FILIP1L: variants seen among roughly 807,000 people sequenced by gnomAD.
FILIP1L encodes filamin A-interacting protein 1-like.
In FILIP1L, 55 loss-of-function variants were observed where a neutral mutation model predicts 96.6. That is an observed-to-expected ratio of 0.57 (90% confidence interval 0.46 to 0.71). The LOEUF (loss-of-function observed/expected upper bound fraction) is 0.71, where lower values mean the gene tolerates loss of function less well. FILIP1L is among the 30% of genes least tolerant of loss of function. The pLI is 0.00. For missense variants in FILIP1L, 1,304 were observed against 1,321.2 expected (o/e 0.99, Z 0.20); for synonymous variants, 467 against 473.9 (o/e 0.99, Z 0.19).
chr3:99,843,657 G>A (rs1176561811), intron 5 of FILIP1L, among the ~76,000 whole-genome samples: 1 of 152,134 alleles, frequency 6.6e-6, no homozygotes, highest in Non-Finnish European at 1.5e-5. Flanking sequence ...CCTTAAACAT[G>A]CTCAGAGAAC....
At chr3:100,072,448 A>G (rs1326140561) in intron 1 of FILIP1L, among the ~76,000 whole-genome samples, 2 of 152,160 alleles carry the variant, frequency 1.3e-5, no homozygotes, top group Non-Finnish European at 2.9e-5. Context: ...CCCTTTCTAG[A>G]TGGCCCTTAA....
At chr3:99,888,764 C>T (rs747501569) in intron 4 of FILIP1L, among the ~76,000 whole-genome samples, 3 of 152,138 alleles carry the variant, frequency 2.0e-5, no homozygotes, top group Non-Finnish European at 4.4e-5. Flanking sequence ...AATTCTATAA[C>T]CATCTTTGTT....
intron 1 of FILIP1L, among the ~76,000 whole-genome samples, chr3:100,087,228 G>A (rs754968304): frequency 1.3e-5 from 2 of 152,166 alleles, no homozygotes; most frequent in Non-Finnish European, 2.9e-5. Flanking sequence ...GGAATTACTG[G>A]GCTTTGTTGT....
intron 4 of FILIP1L, among the ~76,000 whole-genome samples, chr3:99,852,439 ATTTAT>A (rs944710834): frequency 2.0e-5 from 3 of 151,320 alleles, no homozygotes; most frequent in Non-Finnish European, 4.4e-5. Flanking sequence ...AGAACTTTTT[ATTTAT>A]TTTATTTTAT....
intron 5 of FILIP1L, among the ~76,000 whole-genome samples, chr3:99,832,431 T>A (rs867877301): frequency 2.0e-5 from 3 of 148,920 alleles, no homozygotes; most frequent in Admixed American, 6.6e-5. Context: ...GGGGTTTCAC[T>A]GTGTTAGCCA....
chr3:100,059,818 C>T (rs746023321), intron 1 of FILIP1L, among the ~76,000 whole-genome samples: 13 of 152,154 alleles, frequency 8.5e-5, no homozygotes, highest in Non-Finnish European at 1.5e-4. Flanking sequence ...GTATCATCTC[C>T]TGATTTTTAA....
chr3:99,930,779 C>A lies in FILIP1L; in HGVS notation c.242G>T (p.Gly81Val). 6.2e-7 allele frequency: 1 copy of A among 1,613,244 alleles called. No individual in the cohort carries two copies. The highest frequency in any genetic ancestry group is 1.3e-5 in the African/African-American group (1 of 74,826). The change falls in exon 2 of 6, where the codon GGA becomes GTA. Residue 81 changes from glycine to valine, a missense_variant. Physicochemically the swap from Gly to Val is moderately radical, Grantham distance 109 (BLOSUM62 -3). Coordinates refer to ENST00000477258, the MANE Select transcript of FILIP1L (RefSeq NM_001387850.1). ...TCCAACCCAGCTGACCTGCAGTTCT[C>A]CCTCCAGAATGCTGAGGAGAAATAA... is the stretch of plus-strand genomic sequence containing the variant. ...DLLFLLSILEGELQARDEVIG... is the reference protein window; with the variant it reads ...DLLFLLSILEVELQARDEVIG...
At chr3:99,971,181 C>CA (rs561844008) in intron 1 of FILIP1L, among the ~76,000 whole-genome samples, 37 of 152,106 alleles carry the variant, frequency 2.4e-4, no homozygotes, top group African/African-American at 7.2e-4. Context: ...ACTAAAAATA[C>CA]AAAAAATAAT....
chr3:100,008,873 A>T (rs1710064514), intron 1 of FILIP1L, among the ~76,000 whole-genome samples: 1 of 152,204 alleles, frequency 6.6e-6, no homozygotes, highest in South Asian at 2.1e-4. Context: ...ATTCCTGGGC[A>T]TGGGTGGGAT....
At chr3:100,096,899 T>A (rs2066219591) in intron 1 of FILIP1L, among the ~76,000 whole-genome samples, 1 of 152,142 alleles carries the variant, frequency 6.6e-6, no homozygotes, top group South Asian at 2.1e-4. Context: ...ACACCTACTA[T>A]GTACCCACAA....
chr3:100,079,838 A>C (rs1422389892), intron 1 of FILIP1L, among the ~76,000 whole-genome samples: 2 of 152,170 alleles, frequency 1.3e-5, no homozygotes, highest in African/African-American at 4.8e-5. Flanking sequence ...TCAAGATTTG[A>C]TATCTCTATT....
intron 1 of FILIP1L, among the ~76,000 whole-genome samples, chr3:99,987,073 T>A (rs1456642822): frequency 6.7e-6 from 1 of 150,284 alleles, no homozygotes; most frequent in Non-Finnish European, 1.5e-5. Context: ...TACAAAAAAA[T>A]ACAAAAATTA....
intron 1 of FILIP1L, among the ~76,000 whole-genome samples, chr3:99,944,736 A>G (rs546964206): frequency 2.0e-4 from 30 of 152,334 alleles, no homozygotes; most frequent in African/African-American, 6.0e-4. Context: ...CTCTTTAGGA[A>G]GAATTATCTG....
intron 1 of FILIP1L, among the ~76,000 whole-genome samples, chr3:100,013,460 T>C (rs1710226954): frequency 1.3e-5 from 2 of 151,632 alleles, no homozygotes; most frequent in African/African-American, 2.4e-5. Context: ...GCCAGACTGG[T>C]CTCAAACTCC....
intron 1 of FILIP1L, among the ~76,000 whole-genome samples, chr3:100,106,544 T>G (rs954025203): frequency 1.3e-4 from 20 of 152,070 alleles, no homozygotes; most frequent in African/African-American, 4.8e-4. Flanking sequence ...CAAAGAAAGG[T>G]TGAGAGCTGG....
intron 1 of FILIP1L, among the ~76,000 whole-genome samples, chr3:100,111,753 G>A (rs2066494717): frequency 6.6e-6 from 1 of 152,184 alleles, no homozygotes; most frequent in Non-Finnish European, 1.5e-5. Context: ...GATGGTATTA[G>A]TATGTAAAGT....
intron 1 of FILIP1L, among the ~76,000 whole-genome samples, chr3:99,938,447 G>A (rs1490213861): frequency 2.0e-5 from 3 of 152,168 alleles, no homozygotes; most frequent in East Asian, 1.9e-4. Flanking sequence ...CTAACTGTAC[G>A]ACACTCATGG....
At chr3:99,845,384 G>A (rs1192931383) in intron 5 of FILIP1L, among the ~76,000 whole-genome samples, 3 of 152,156 alleles carry the variant, frequency 2.0e-5, no homozygotes, top group Admixed American at 6.5e-5. Context: ...GTTCTGAAGC[G>A]AGGACTTAGA....
chr3:99,891,868 C>T (rs890963288), intron 4 of FILIP1L, among the ~76,000 whole-genome samples: 2 of 152,186 alleles, frequency 1.3e-5, no homozygotes, highest in African/African-American at 2.4e-5. Flanking sequence ...AACAAAACTA[C>T]ACTTTTTAAG....
Sources: allele counts gnomAD v4.1 joint callset (sites outside exome capture counted in the v4.1 genomes callset), GRCh38; gene constraint gnomAD v4.1.1; transcripts MANE v1.5; gene names NCBI Gene and HGNC (gene_info 2026-07-23, HGNC 2026-07-21).